PRIM2: variants seen among roughly 807,000 people sequenced by gnomAD.
PRIM2 encodes the protein DNA primase subunit 2, also known as DNA primase large subunit.
In PRIM2, 39 loss-of-function variants were observed where a neutral mutation model predicts 67.3. That is an observed-to-expected ratio of 0.58 (90% confidence interval 0.45 to 0.76). PRIM2 has a LOEUF of 0.76. PRIM2 is among the 30% of genes least tolerant of loss of function. The pLI, the probability that PRIM2 is intolerant of heterozygous loss-of-function variation, is 0.00. For synonymous variants in PRIM2, 143 were observed against 198.7 expected, an observed-to-expected ratio of 0.72 and a Z score of 2.36; for missense variants, 398 against 598.7, an observed-to-expected ratio of 0.66 and a Z score of 3.50.
chr6:57,436,786 A>C (rs2894855), intron 7 of PRIM2, among the ~76,000 whole-genome samples: 1 of 152,170 alleles, frequency 6.6e-6, no homozygotes, highest in Non-Finnish European at 1.5e-5. Context: ...CATATGCCCC[A>C]GGAGTCTCAT....
chr6:57,338,880 A>G (rs1768369197), intron 5 of PRIM2, among the ~76,000 whole-genome samples: 1 of 151,524 alleles, frequency 6.6e-6, no homozygotes. Context: ...GAAGGAAATA[A>G]AGGGTATTCA....
chr6:57,574,118 C>G (rs1775918382), intron 10 of PRIM2, among the ~76,000 whole-genome samples: 1 of 152,074 alleles, frequency 6.6e-6, no homozygotes, highest in Non-Finnish European at 1.5e-5. Context: ...GGCAAACCTG[C>G]ACTGTGGCCT....
chr6:57,402,993 A>T (rs1430807734), intron 7 of PRIM2, among the ~76,000 whole-genome samples: 2 of 152,100 alleles, frequency 1.3e-5, no homozygotes, highest in Non-Finnish European at 2.9e-5. Context: ...TTTTCTCCAT[A>T]TGTATATGTA....
At chr6:57,344,796 A>G (rs1768615279) in intron 5 of PRIM2, among the ~76,000 whole-genome samples, 1 of 152,146 alleles carries the variant, frequency 6.6e-6, no homozygotes, top group African/African-American at 2.4e-5. Context: ...TAGTGACAAT[A>G]TTTTAGAGTT....
At chr6:57,432,840 T>C (rs1771879620) in intron 7 of PRIM2, among the ~76,000 whole-genome samples, 1 of 152,248 alleles carries the variant, frequency 6.6e-6, no homozygotes, top group African/African-American at 2.4e-5. Flanking sequence ...GTAGTTAAGC[T>C]GTATTAGCAG....
At chr6:57,374,333 G>A (rs1262547786) in intron 5 of PRIM2, among the ~76,000 whole-genome samples, 4 of 147,886 alleles carry the variant, frequency 2.7e-5, no homozygotes, top group Non-Finnish European at 4.5e-5. Context: ...TCGCTCTGTC[G>A]CCCAGGCTGG....
intron 10 of PRIM2, among the ~76,000 whole-genome samples, chr6:57,557,269 C>T (rs1256028122): frequency 3.4e-5 from 5 of 146,050 alleles, no homozygotes; most frequent in Non-Finnish European, 4.5e-5. Flanking sequence ...ATGCTATTAC[C>T]GAGTATAAGA....
At chr6:57,640,371 T>G (rs1188805254) in intron 13 of PRIM2, among the ~76,000 whole-genome samples, 1 of 152,162 alleles carries the variant, frequency 6.6e-6, no homozygotes, top group Non-Finnish European at 1.5e-5. Context: ...AACACAACAT[T>G]GGAAGTTCTA....
intron 9 of PRIM2, among the ~76,000 whole-genome samples, chr6:57,533,962 G>T (rs1774944964): frequency 6.6e-6 from 1 of 152,134 alleles, no homozygotes; most frequent in Non-Finnish European, 1.5e-5. Flanking sequence ...GAGACCCCGT[G>T]GTGAGTAATA....
chr6:57,267,074 A>G, the PRIM2 span, among the ~76,000 whole-genome samples: 3 of 152,208 alleles, frequency 2.0e-5, 1 homozygote, highest in Admixed American at 2.0e-4. Flanking sequence ...ATATAAGTCT[A>G]AAAATGTTCT....
At chr6:57,425,724 T>C (rs1473110504) in intron 7 of PRIM2, among the ~76,000 whole-genome samples, 9 of 152,260 alleles carry the variant, frequency 5.9e-5, no homozygotes, top group African/African-American at 1.9e-4. Context: ...ATTCTAGGAA[T>C]AGAATTAGAA....
intron 5 of PRIM2, among the ~76,000 whole-genome samples, chr6:57,336,375 C>T (rs2030461965): frequency 6.6e-6 from 1 of 152,060 alleles, no homozygotes; most frequent in East Asian, 1.9e-4. Context: ...AAAGATACTC[C>T]TCGAGAAGAG....
chr6:57,587,431 G>A (rs1249922552), intron 10 of PRIM2, among the ~76,000 whole-genome samples: 493 of 152,226 alleles, frequency 3.2e-3, no homozygotes, highest in South Asian at 0.029. Flanking sequence ...TTGGGAGGCC[G>A]AGGCAGGCTG....
At chr6:57,309,018 G>A in the PRIM2 span, among the ~76,000 whole-genome samples, 2 of 151,724 alleles carry the variant, frequency 1.3e-5, no homozygotes, top group South Asian at 4.2e-4. Flanking sequence ...GATAATAGTG[G>A]AGAGAAGGTC....
chr6:57,395,367 A>G (rs1770486459), intron 7 of PRIM2, among the ~76,000 whole-genome samples: 1 of 152,152 alleles, frequency 6.6e-6, no homozygotes, highest in African/African-American at 2.4e-5. Context: ...CAGGGTATCT[A>G]ATTCTTCCTG....
the PRIM2 span, among the ~76,000 whole-genome samples, chr6:57,308,221 C>T: frequency 6.6e-6 from 1 of 151,886 alleles, no homozygotes; most frequent in South Asian, 2.1e-4. Flanking sequence ...CTCCCAGCCT[C>T]AGGTGATCCT....
At chr6:57,242,786 G>A in the PRIM2 span, among the ~76,000 whole-genome samples, 2 of 152,048 alleles carry the variant, frequency 1.3e-5, no homozygotes, top group Non-Finnish European at 2.9e-5. Context: ...TTATAATTAG[G>A]CAATGATGTA....
At chr6:57,264,564 G>A in the PRIM2 span, among the ~76,000 whole-genome samples, 1 of 151,424 alleles carries the variant, frequency 6.6e-6, no homozygotes, top group East Asian at 1.9e-4. Context: ...AATGTGATGA[G>A]GGGTGATTTA....
the PRIM2 span, chr6:57,222,043 C>CCCGCCGCCCGGCGCCACCGGCT: frequency 6.6e-6 from 1 of 152,432 alleles, no homozygotes; most frequent in African/African-American, 2.4e-5. Flanking sequence ...CGGCCGCGGA[C>CCCGCCGCCCGGCGCCACCGGCT]CCGCCGCCCG....
Sources: gnomAD v4.1 joint callset for allele counts (sites outside exome capture counted in the v4.1 genomes callset) on GRCh38, gnomAD v4.1.1 for gene constraint, MANE v1.5 for transcripts, NCBI Gene and HGNC (gene_info 2026-07-23, HGNC 2026-07-21) for gene names.